The following CYLD variants were observed in gnomAD, a reference collection of about 807,000 sequenced individuals.
CYLD encodes CYLD lysine 63 deubiquitinase.
CYLD carries 26 observed loss-of-function variants against 104.5 expected under a neutral mutation model. The observed-to-expected ratio is 0.25, with a 90% confidence interval of 0.18 to 0.35. CYLD has a LOEUF of 0.35. Among genes scored for constraint, CYLD ranks in the 10% least tolerant of loss-of-function variants. The pLI is 1.00. For missense variants in CYLD, 703 were observed against 1,136.1 expected (o/e 0.62, Z 5.48); for synonymous variants, 385 against 399.9 (o/e 0.96, Z 0.45).
In CYLD at chr16:50,797,056, CTG is replaced by C. The variant is rs1472554567; in HGVS notation, c.*552_*553del. 8.5e-6 allele frequency: 2 copies of C among 236,624 alleles called. No homozygotes were observed. Among genetic ancestry groups the C allele is most frequent in the African/African-American group, 2.2e-5 (1 of 45,442 alleles). The allele number at this position is 236,624 out of a possible 1,614,324, so 14.7% of individuals were successfully genotyped here. A position where few individuals can be genotyped will look rare whatever the true frequency, so the allele number is the denominator to read the frequency against. On this transcript the variant is annotated 3_prime_UTR_variant, in exon 19 of 19. Coordinates refer to ENST00000427738, the MANE Select transcript of CYLD (RefSeq NM_001378743.1). ...CATGTCTACAATCTGCTCAGTTTTT[CTG>C]TGTTTCTGCAATAGTGGTCAGAAAA...
In CYLD at chr16:50,794,486, G is replaced by A. The variant is rs763379896; in HGVS notation, c.2686+58G>A. The A allele has an allele frequency of 3.4e-6, 5 of 1,472,204 alleles. No individual in the cohort carries two copies. The highest frequency in any genetic ancestry group is 4.8e-6 in the Non-Finnish European group (5 of 1,051,918). 91.2% of individuals were successfully genotyped at this position (1,472,204 alleles called of 1,614,324 possible). The stretch of plus-strand genomic sequence containing the variant: ...CAGGGTTCTGGTTTGTAGTGGGACA[G>A]TTTGTAGTGGGATCGCCTGTTCTGA... On this transcript the variant is annotated intron_variant, in intron 18 of 18. Transcript: ENST00000427738. This position sits in a 1 kb window ranked among gnomAD's most constrained non-coding sequence, Gnocchi z 4.1.
chr16:50,760,565 G>A (rs1164822447), intron 5 of CYLD, among the ~76,000 whole-genome samples: 5 of 151,898 alleles, frequency 3.3e-5, no homozygotes, highest in African/African-American at 1.2e-4. Context: ...CTATTCTGCT[G>A]TTTGCTTTAT....
At position 50,750,727 on chromosome 16, in the gene CYLD, C is replaced by T. The variant is rs1596968157; in HGVS notation, c.504+525C>T. ...AAATTTTAACATTGCCTGTATTAAACATGAACGCTACCAGTTGTAAATAGT... is the reference window on the plus strand; with the variant it reads ...AAATTTTAACATTGCCTGTATTAAATATGAACGCTACCAGTTGTAAATAGT... On this transcript the variant is annotated intron_variant, in intron 3 of 18. Transcript: ENST00000427738. 5.3e-5 allele frequency among the ~76,000 whole-genome samples: 8 copies of T among 152,266 alleles called. No individual in the cohort carries two copies. In the South Asian group the frequency reaches 1.7e-3, roughly 32 times the overall value.
chr16:50,774,901 T>A (rs942074171), intron 5 of CYLD, among the ~76,000 whole-genome samples: 6 of 152,222 alleles, frequency 3.9e-5, no homozygotes, highest in African/African-American at 1.4e-4. Flanking sequence ...AAATCGTGGT[T>A]AATTGGTATA....
intron 4 of CYLD, among the ~76,000 whole-genome samples, chr16:50,752,501 C>T (rs1966713139): frequency 6.6e-6 from 1 of 152,110 alleles, no homozygotes; most frequent in East Asian, 1.9e-4. Flanking sequence ...ATTTTAAAAA[C>T]CTTTTTTAAT....
At chr16:50,760,110 G>A (rs577204069) in intron 5 of CYLD, among the ~76,000 whole-genome samples, 3 of 152,162 alleles carry the variant, frequency 2.0e-5, no homozygotes, top group East Asian at 1.9e-4. Flanking sequence ...TATCCGTCAC[G>A]TTTTCTTGTG....
rs754683107 is a variant in CYLD, at chr16:50,750,248, G to A, written c.504+46G>A. 2.1e-5 allele frequency: 34 copies of A among 1,603,338 alleles called. 1 individual carries two copies. The highest frequency in any genetic ancestry group is 2.9e-5 in the Non-Finnish European group (34 of 1,171,740). On this transcript the variant is annotated intron_variant, in intron 3 of 18. Transcript: ENST00000427738. ...TAGTAGTGTGTTTGTTTGTGTTCATGTGTGTCTGTGTATTTGTATGCACAT... is the reference window on the plus strand; with the variant it reads ...TAGTAGTGTGTTTGTTTGTGTTCATATGTGTCTGTGTATTTGTATGCACAT...
chr16:50,783,632 G>A (rs962626557), intron 11 of CYLD, among the ~76,000 whole-genome samples: 6 of 151,940 alleles, frequency 3.9e-5, no homozygotes, highest in African/African-American at 7.3e-5. Flanking sequence ...TCCACCTCCC[G>A]GGTTCAAGCG....
chr16:50,745,705 C>G (rs955762033), intron 2 of CYLD, among the ~76,000 whole-genome samples: 1 of 152,016 alleles, frequency 6.6e-6, no homozygotes, highest in Non-Finnish European at 1.5e-5. Context: ...CAGGAGTGAG[C>G]CACTGTGCCT....
chr16:50,755,489 C>T (rs1050987140), intron 5 of CYLD, among the ~76,000 whole-genome samples: 4 of 152,124 alleles, frequency 2.6e-5, no homozygotes, highest in Non-Finnish European at 5.9e-5. Flanking sequence ...TTTATATTTC[C>T]ACCAACAGTG....
chr16:50,793,589 G>C lies in CYLD; in HGVS notation c.2394G>C (p.Glu798Asp). ...CRICGGLAMY[E>D]CRECYDDPDI... is the part of the protein sequence containing the mutation. ...TATGTGGAGGGCTTGCAATGTATGA[G>C]TGTAGAGAATGCTACGACGATCCGG... The change falls in exon 17 of 19, where the codon GAG (glutamate) becomes GAC (aspartate). Residue 798 changes from glutamate to aspartate, a missense_variant. Glu to Asp is a conservative substitution (Grantham distance 45). This residue lies in a region of CYLD where 130 missense variants were observed against 220.2 expected (regional missense o/e 0.59). Coordinates refer to ENST00000427738, the MANE Select transcript of CYLD (RefSeq NM_001378743.1). 1 of 1,614,088 alleles carries C rather than the reference G, an allele frequency of 6.2e-7. No individual in the cohort carries two copies. Among genetic ancestry groups the C allele is most frequent in the East Asian group, 2.2e-5 (1 of 44,868 alleles).
intron 5 of CYLD, among the ~76,000 whole-genome samples, chr16:50,767,503 A>C (rs1968647560): frequency 6.6e-6 from 1 of 151,138 alleles, no homozygotes; most frequent in Non-Finnish European, 1.5e-5. Flanking sequence ...GTACTTTTGA[A>C]AGCTCAAAAA....
chr16:50,752,142 A>G (rs965896653), intron 4 of CYLD, among the ~76,000 whole-genome samples: 7 of 151,608 alleles, frequency 4.6e-5, no homozygotes, highest in African/African-American at 1.7e-4. Context: ...TCTTTGGTAA[A>G]GGAGCATTGA....
In CYLD at chr16:50,798,866, G is replaced by A. The variant is rs1454108626; in HGVS notation, c.*2358G>A. On this transcript the variant is annotated 3_prime_UTR_variant, in exon 19 of 19. Transcript: ENST00000427738. The stretch of plus-strand genomic sequence containing the variant: ...CTTTTTAATGTTACTTGGGGAGGGA[G>A]TGCTCATTAAGGGATGCCAGGGCCA... The A allele has an allele frequency of 4.3e-6, 1 of 233,450 alleles. No homozygotes were observed. The highest frequency in any genetic ancestry group is 1.8e-4 in the South Asian group (1 of 5,532). 14.5% of individuals were successfully genotyped at this position (233,450 alleles called of 1,614,324 possible). A position where few individuals can be genotyped will look rare whatever the true frequency, so the allele number is the denominator to read the frequency against.
chr16:50,791,697 G>C lies in CYLD; in HGVS notation c.2241+7G>C. The stretch of plus-strand genomic sequence containing the variant: ...TAACCTGAAATTTGCAGAGGTTAGT[G>C]ATACTCACCTGTGGTATTTTATGTG... On this transcript the variant is annotated splice_region_variant and intron_variant, in intron 15 of 18. Coordinates refer to ENST00000427738, the MANE Select transcript of CYLD (RefSeq NM_001378743.1). The C allele has an allele frequency of 6.2e-7, 1 of 1,613,240 alleles. No individual in the cohort carries two copies. Among genetic ancestry groups the C allele is most frequent in the Non-Finnish European group, 8.5e-7 (1 of 1,179,368 alleles).
chr16:50,788,460 A>T (rs183794035), intron 14 of CYLD, among the ~76,000 whole-genome samples: 27 of 152,184 alleles, frequency 1.8e-4, no homozygotes, highest in African/African-American at 6.5e-4. Flanking sequence ...TATCCTATAC[A>T]CTTCCCTAAA....
Position 50,799,091 on chromosome 16 carries a change from G to C in CYLD, c.*2583G>C, listed in dbSNP as rs893961224. On this transcript the variant is annotated 3_prime_UTR_variant, in exon 19 of 19. Coordinates refer to ENST00000427738, the MANE Select transcript of CYLD (RefSeq NM_001378743.1). ...GGCACAGGGGCTTATGTGCCTGCTG[G>C]TTATTTAATTTTCAGCCTTAAGTTT... 3.0e-4 allele frequency: 71 copies of C among 233,362 alleles called. No homozygotes were observed. Among genetic ancestry groups the C allele is most frequent in the African/African-American group, 1.5e-3 (67 of 45,442 alleles). The allele number at this position is 233,362 out of a possible 1,614,324, so 14.5% of individuals were successfully genotyped here.
intron 5 of CYLD, among the ~76,000 whole-genome samples, chr16:50,756,781 T>C (rs1967292331): frequency 1.3e-5 from 2 of 152,216 alleles, no homozygotes; most frequent in Admixed American, 6.5e-5. Context: ...AACAAACTTA[T>C]AATGTAAGTC....
chr16:50,754,935 A>ATG (rs1966862012), intron 5 of CYLD, among the ~76,000 whole-genome samples: 1 of 148,110 alleles, frequency 6.8e-6, no homozygotes. Flanking sequence ...ATACACACAT[A>ATG]TGTATATATA....
Sources: gnomAD v4.1 joint callset for allele counts (sites outside exome capture counted in the v4.1 genomes callset) on GRCh38, gnomAD v4.1.1 for gene constraint, gnomAD v4.1.1 regional missense constraint, Gnocchi (gnomAD v3.1) non-coding constraint, MANE v1.5 for transcripts, NCBI Gene and HGNC (gene_info 2026-07-23, HGNC 2026-07-21) for gene names.